The following PCSK6 variants were observed in gnomAD, a reference collection of about 807,000 sequenced individuals.
The protein encoded by PCSK6 is paired basic amino acid cleaving enzyme 4.
Under a neutral mutation model 123.3 loss-of-function variants are expected in PCSK6, and 85 were observed. The ratio of observed to expected loss-of-function variants is 0.69; its 90% CI spans 0.58 to 0.83. The LOEUF (loss-of-function observed/expected upper bound fraction) is 0.83, where lower values mean the gene tolerates loss of function less well. PCSK6 is among the 40% of genes least tolerant of loss of function. The probability of loss-of-function intolerance (pLI) is 0.00; values close to 1 mark genes in which losing one functional copy is unlikely to be tolerated. For synonymous variants in PCSK6, 508 were observed against 516.0 expected (o/e 0.98, Z 0.21); for missense variants, 1,191 against 1,282.3 (o/e 0.93, Z 1.09).
At chr15:101,330,593 T>C (rs887335683) in intron 15 of PCSK6, among the ~76,000 whole-genome samples, 8 of 152,228 alleles carry the variant, frequency 5.3e-5, no homozygotes, top group Admixed American at 3.3e-4. Flanking sequence ...CCCCTGAGAC[T>C]TGAGGGGGCT....
At chr15:101,386,475 C>T (rs933175401) in intron 9 of PCSK6, among the ~76,000 whole-genome samples, 1 of 152,208 alleles carries the variant, frequency 6.6e-6, no homozygotes, top group Non-Finnish European at 1.5e-5. Flanking sequence ...TTTTCACCAC[C>T]TCCAGACTGA....
At chr15:101,450,947 C>T (rs903676372) in intron 1 of PCSK6, among the ~76,000 whole-genome samples, 20 of 151,914 alleles carry the variant, frequency 1.3e-4, no homozygotes, top group East Asian at 1.9e-4. Flanking sequence ...ATTCATGGCA[C>T]GCACCAGCCA....
At chr15:101,403,283 AGG>A (rs947221839) in intron 6 of PCSK6, among the ~76,000 whole-genome samples, 1 of 63,248 alleles carries the variant, frequency 1.6e-5, no homozygotes, top group African/African-American at 6.7e-5. Flanking sequence ...GGGTGGGGGG[AGG>A]GGGGAGGGAT....
intron 1 of PCSK6, among the ~76,000 whole-genome samples, chr15:101,483,775 C>G (rs1466184787): frequency 6.6e-6 from 1 of 152,240 alleles, no homozygotes; most frequent in Non-Finnish European, 1.5e-5. Context: ...CCGTGTCCAG[C>G]TCTGTCCAAA....
At chr15:101,479,527 G>A (rs1361763600) in intron 1 of PCSK6, among the ~76,000 whole-genome samples, 1 of 152,210 alleles carries the variant, frequency 6.6e-6, no homozygotes, top group Admixed American at 6.5e-5. Context: ...TGTGGCCATG[G>A]GCTGGGTGGC....
chr15:101,434,864 G>A (rs1431108788), intron 2 of PCSK6, among the ~76,000 whole-genome samples: 1 of 152,134 alleles, frequency 6.6e-6, no homozygotes, highest in Admixed American at 6.5e-5. Flanking sequence ...CTCCAGGACA[G>A]CACAAGGGGA....
At chr15:101,469,556 C>T (rs1364785100) in intron 1 of PCSK6, among the ~76,000 whole-genome samples, 2 of 152,200 alleles carry the variant, frequency 1.3e-5, no homozygotes, top group African/African-American at 2.4e-5. Context: ...GCAAGAGGGT[C>T]CTCTTTTGCG....
intron 13 of PCSK6, among the ~76,000 whole-genome samples, chr15:101,364,338 G>C (rs1202883970): frequency 1.3e-5 from 2 of 152,166 alleles, no homozygotes; most frequent in African/African-American, 4.8e-5. Flanking sequence ...ACAAAGACAG[G>C]CGTTTATAGA....
intron 17 of PCSK6, 63 bp from the exon 18 acceptor site, chr15:101,322,670 C>T: frequency 9.6e-7 from 1 of 1,036,704 alleles, no homozygotes; most frequent in Non-Finnish European, 1.5e-6. Context: ...GAAATCTGGG[C>T]AAGCAGGCCC....
At chr15:101,384,260 T>C (rs753425846) in intron 10 of PCSK6, 62 bp downstream of exon 10, 3 of 1,580,618 alleles carry the variant, frequency 1.9e-6, no homozygotes, top group East Asian at 4.5e-5. Flanking sequence ...AAGGAATTCA[T>C]GACACCCCTT....
intron 1 of PCSK6, among the ~76,000 whole-genome samples, chr15:101,466,803 C>T: frequency 6.6e-6 from 1 of 152,140 alleles, no homozygotes; most frequent in East Asian, 1.9e-4. Context: ...ATAGGCAAAT[C>T]TAGAGAGACG....
In PCSK6 at chr15:101,334,943, A is replaced by ATG. The variant is rs756567362; in HGVS notation, c.1859-2914_1859-2913dup. On this transcript the variant is annotated intron_variant, in intron 13 of 21. Coordinates refer to ENST00000611716, the MANE Select transcript of PCSK6 (RefSeq NM_002570.5). ...ATTATTACACTCTCTGTTTGACTTT[A>ATG]TGTGTGTGTGTGTGTATGTGTGTAT... Among the ~76,000 whole-genome samples the ATG allele has an allele frequency of 1.7e-3, 263 of 151,534 alleles. 1 individual carries two copies. Among genetic ancestry groups the ATG allele is most frequent in the East Asian group, 7.6e-3 (39 of 5,156 alleles).
At chr15:101,333,516 G>A (rs2040412539) in intron 13 of PCSK6, among the ~76,000 whole-genome samples, 1 of 152,198 alleles carries the variant, frequency 6.6e-6, no homozygotes, top group African/African-American at 2.4e-5. Flanking sequence ...TGGTTTCGGG[G>A]AGGAAGAATA....
intron 12 of PCSK6, among the ~76,000 whole-genome samples, chr15:101,370,024 T>C (rs2041529150): frequency 6.6e-6 from 1 of 152,216 alleles, no homozygotes; most frequent in African/African-American, 2.4e-5. Context: ...AAAGAAGGCA[T>C]AGCCAGAATT....
chr15:101,480,510 C>T (rs1008211225), intron 1 of PCSK6, among the ~76,000 whole-genome samples: 6 of 152,252 alleles, frequency 3.9e-5, no homozygotes, highest in African/African-American at 7.2e-5. Context: ...TCCCATGGAG[C>T]GTGAGGCTCC....
chr15:101,325,231 T>A (rs1393255634), intron 16 of PCSK6, among the ~76,000 whole-genome samples, 185 bp from the exon 17 acceptor site: 1 of 152,182 alleles, frequency 6.6e-6, no homozygotes, highest in Non-Finnish European at 1.5e-5. Context: ...AGGCCTTGCA[T>A]AGAACCTGGG....
At chr15:101,343,905 C>T (rs139099146) in intron 13 of PCSK6, among the ~76,000 whole-genome samples, 20 of 152,142 alleles carry the variant, frequency 1.3e-4, no homozygotes, top group South Asian at 6.2e-4. Context: ...CTGGCCAACA[C>T]GGTGAAACCC....
In PCSK6 at chr15:101,428,035, T is replaced by G. The variant is rs936901508; in HGVS notation, c.735-55A>C. On this transcript the variant is annotated intron_variant, in intron 5 of 21. Coordinates refer to ENST00000611716, the MANE Select transcript of PCSK6 (RefSeq NM_002570.5). ...CGCAGCCCAGCAAGTTTCAGTGAATTCAGTGCCTGGCTCAGTTCAATGCAA... is the reference window on the plus strand; with the variant it reads ...CGCAGCCCAGCAAGTTTCAGTGAATGCAGTGCCTGGCTCAGTTCAATGCAA... 1.0e-5 allele frequency: 14 copies of G among 1,391,728 alleles called. 1 individual carries two copies. The South Asian group carries it at 1.7e-4, about 17-fold the overall frequency. The allele number at this position is 1,391,728 out of a possible 1,614,324, so 86.2% of individuals were successfully genotyped here.
chr15:101,454,557 C>T (rs940435677), intron 1 of PCSK6, among the ~76,000 whole-genome samples: 1 of 152,144 alleles, frequency 6.6e-6, no homozygotes, highest in Non-Finnish European at 1.5e-5. Context: ...TCCCTGTATG[C>T]GGTACCTGGA....
Sources: allele counts gnomAD v4.1 joint callset (sites outside exome capture counted in the v4.1 genomes callset), GRCh38; gene constraint gnomAD v4.1.1; transcripts MANE v1.5; gene names NCBI Gene and HGNC (gene_info 2026-07-23, HGNC 2026-07-21).